The following SOX5 variants were observed in gnomAD, a reference collection of about 807,000 sequenced individuals.
SOX5 encodes the protein SRY-box transcription factor 5.
A neutral mutation model predicts 92.0 loss-of-function variants in SOX5; 9 were observed. The ratio of observed to expected loss-of-function variants is 0.10; its 90% CI spans 0.06 to 0.17. The LOEUF is 0.17. Ranked by LOEUF, SOX5 falls within the 10% of genes least tolerant of loss-of-function variation. SOX5 has a pLI of 1.00. For synonymous variants in SOX5, 344 were observed against 336.3 expected (o/e 1.02, Z -0.25); for missense variants, 642 against 944.5 (o/e 0.68, Z 4.20).
chr12:24,120,546 T>C (rs990285337), intron 4 of SOX5, among the ~76,000 whole-genome samples: 1 of 152,156 alleles, frequency 6.6e-6, no homozygotes, highest in African/African-American at 2.4e-5. Context: ...GAATGCAAAA[T>C]GATTTTATTT....
At chr12:24,175,068 C>T (rs778612273) in intron 4 of SOX5, among the ~76,000 whole-genome samples, 1 of 152,072 alleles carries the variant, frequency 6.6e-6, no homozygotes, top group African/African-American at 2.4e-5. Context: ...CAGAGTTGTC[C>T]GAAAACTACA....
chr12:23,557,589 C>T (rs1237079898), intron 11 of SOX5, among the ~76,000 whole-genome samples: 1 of 152,140 alleles, frequency 6.6e-6, no homozygotes, highest in Non-Finnish European at 1.5e-5. Context: ...TGTGAATATA[C>T]GTTTATAGAT....
At chr12:24,438,824 A>G (rs1008942080) in intron 1 of SOX5, among the ~76,000 whole-genome samples, 6 of 152,250 alleles carry the variant, frequency 3.9e-5, no homozygotes, top group Admixed American at 6.5e-5. Context: ...GAGGTTTCTT[A>G]AAATGGAATC....
intron 1 of SOX5, among the ~76,000 whole-genome samples, chr12:24,372,465 A>T (rs1956838341): frequency 6.6e-6 from 1 of 152,160 alleles, no homozygotes; most frequent in Admixed American, 6.5e-5. Context: ...ACATGAATTC[A>T]TCCTTTTTTA....
At chr12:23,835,621 A>G (rs1323476553) in intron 3 of SOX5, among the ~76,000 whole-genome samples, 1 of 151,846 alleles carries the variant, frequency 6.6e-6, no homozygotes, top group Non-Finnish European at 1.5e-5. Flanking sequence ...GGCATAAGAA[A>G]TTTACTTTAG....
At chr12:23,838,680 T>A (rs898092804) in intron 3 of SOX5, among the ~76,000 whole-genome samples, 1 of 152,112 alleles carries the variant, frequency 6.6e-6, no homozygotes, top group African/African-American at 2.4e-5. Flanking sequence ...TACATTGTCG[T>A]AGGAAATAAA....
intron 1 of SOX5, among the ~76,000 whole-genome samples, chr12:24,391,930 T>C (rs1173971694): frequency 1.3e-5 from 2 of 152,198 alleles, no homozygotes; most frequent in African/African-American, 4.8e-5. Context: ...TTACCAACAA[T>C]AGGTCTTCAA....
chr12:24,370,334 G>A (rs1464866738), intron 1 of SOX5, among the ~76,000 whole-genome samples: 2 of 151,956 alleles, frequency 1.3e-5, no homozygotes, highest in Non-Finnish European at 2.9e-5. Flanking sequence ...AAATTTAGCC[G>A]GGCGTGGTGG....
intron 1 of SOX5, among the ~76,000 whole-genome samples, chr12:23,904,967 C>T (rs1319688634): frequency 6.6e-6 from 1 of 151,904 alleles, no homozygotes; most frequent in African/African-American, 2.4e-5. Context: ...TGTAAAGGTA[C>T]AAGGTTCTCC....
intron 4 of SOX5, among the ~76,000 whole-genome samples, chr12:24,104,763 A>G (rs1451238806): frequency 6.6e-6 from 1 of 152,212 alleles, no homozygotes; most frequent in African/African-American, 2.4e-5. Context: ...AGCTCATATT[A>G]AGTCAGAGCA....
At chr12:24,402,725 T>G (rs1272136479) in intron 1 of SOX5, among the ~76,000 whole-genome samples, 1 of 152,212 alleles carries the variant, frequency 6.6e-6, no homozygotes, top group Non-Finnish European at 1.5e-5. Context: ...AGTTTTTAAC[T>G]GGTTGAACTT....
At chr12:24,483,200 A>T (rs879645325) in intron 1 of SOX5, among the ~76,000 whole-genome samples, 3 of 152,214 alleles carry the variant, frequency 2.0e-5, no homozygotes, top group Admixed American at 1.3e-4. Context: ...CAAATCTTCC[A>T]AAAGAAAACT....
At chr12:23,658,015 C>G (rs1039292158) in intron 7 of SOX5, among the ~76,000 whole-genome samples, 1 of 152,054 alleles carries the variant, frequency 6.6e-6, no homozygotes, top group Non-Finnish European at 1.5e-5. Flanking sequence ...CTTGTGTGTA[C>G]GTATTTTGGT....
chr12:24,301,995 GTTC>G (rs1948016405), intron 2 of SOX5, among the ~76,000 whole-genome samples: 1 of 151,984 alleles, frequency 6.6e-6, no homozygotes, highest in Non-Finnish European at 1.5e-5. Context: ...ATGAATACAT[GTTC>G]ATAAGGTCTT....
At chr12:23,546,175 G>A in intron 12 of SOX5, 141 bp downstream of exon 12, 1 of 567,328 alleles carries the variant, frequency 1.8e-6, no homozygotes, top group Non-Finnish European at 3.1e-6. Flanking sequence ...TTGGCACATG[G>A]GGACTGCTCA....
chr12:23,960,206 GT>G (rs1946734598), intron 4 of SOX5, among the ~76,000 whole-genome samples: 1 of 152,000 alleles, frequency 6.6e-6, no homozygotes, highest in Non-Finnish European at 1.5e-5. Flanking sequence ...GCCCACATAT[GT>G]TTACACAAGA....
intron 1 of SOX5, among the ~76,000 whole-genome samples, chr12:24,387,378 C>G (rs141805845): frequency 1.3e-5 from 2 of 152,176 alleles, no homozygotes; most frequent in South Asian, 2.1e-4. Context: ...TAAAGCTCAT[C>G]ATCTATCGTT....
intron 2 of SOX5, among the ~76,000 whole-genome samples, chr12:23,894,685 CTTGAT>C (rs768190565): frequency 3.9e-4 from 59 of 152,038 alleles, no homozygotes; most frequent in Non-Finnish European, 5.0e-4. Flanking sequence ...GATTCTTCTT[CTTGAT>C]TTAATTCCAC....
Position 24,272,386 on chromosome 12 carries a change from T to C in SOX5, c.-77+4830A>G, listed in dbSNP as rs145086904. ...TATTTCCTTATCTTTCTTTACTGCATTGACTAGGATTTCTAGAAAAATACT... is the reference window on the plus strand; with the variant it reads ...TATTTCCTTATCTTTCTTTACTGCACTGACTAGGATTTCTAGAAAAATACT... On this transcript the variant is annotated intron_variant, in intron 3 of 4. Coordinates refer to the SOX5 transcript ENST00000446891. Among the ~76,000 whole-genome samples, 1,399 of 152,284 alleles carry C rather than the reference T, an allele frequency of 9.2e-3. 18 individuals carry two copies. The highest frequency in any genetic ancestry group is 0.01 in the Non-Finnish European group (685 of 67,998).
Sources: gnomAD v4.1 joint callset for allele counts (sites outside exome capture counted in the v4.1 genomes callset) on GRCh38, gnomAD v4.1.1 for gene constraint, MANE v1.5 for transcripts, NCBI Gene and HGNC (gene_info 2026-07-23, HGNC 2026-07-21) for gene names.